ST6GALNAC3: variants seen among roughly 807,000 people sequenced by gnomAD.
ST6GALNAC3 encodes the protein ST6 N-acetylgalactosaminide alpha-2,6-sialyltransferase 3.
ST6GALNAC3 carries 25 observed loss-of-function variants against 32.7 expected under a neutral mutation model. The observed-to-expected ratio is 0.76, with a 90% CI of 0.56 to 1.07. ST6GALNAC3 has a LOEUF of 1.07. Ranked by LOEUF, ST6GALNAC3 falls within the 50% of genes least tolerant of loss-of-function variation. The pLI, the probability that ST6GALNAC3 is intolerant of heterozygous loss-of-function variation, is 0.00. For missense variants in ST6GALNAC3, 355 were observed against 382.4 expected (o/e 0.93, Z 0.60); for synonymous variants, 129 against 133.1 (o/e 0.97, Z 0.21).
At chr1:76,290,338 T>A (rs1660013322) in intron 1 of ST6GALNAC3, among the ~76,000 whole-genome samples, 1 of 152,260 alleles carries the variant, frequency 6.6e-6, no homozygotes, top group Admixed American at 6.5e-5. Context: ...AAGCTTTTTT[T>A]AAAATCATAA....
chr1:76,246,414 A>T (rs1253425195), intron 1 of ST6GALNAC3, among the ~76,000 whole-genome samples: 1 of 151,984 alleles, frequency 6.6e-6, no homozygotes, highest in African/African-American at 2.4e-5. Context: ...TTTACTTTTA[A>T]GGTTAGTATT....
At chr1:76,409,608 T>C (rs1654075088) in intron 2 of ST6GALNAC3, among the ~76,000 whole-genome samples, 1 of 152,070 alleles carries the variant, frequency 6.6e-6, no homozygotes, top group Non-Finnish European at 1.5e-5. Flanking sequence ...ATCCCTATAA[T>C]GGAATCTTGT....
At chr1:76,384,323 G>A (rs1651935812) in intron 2 of ST6GALNAC3, among the ~76,000 whole-genome samples, 1 of 152,074 alleles carries the variant, frequency 6.6e-6, no homozygotes, top group Admixed American at 6.6e-5. Flanking sequence ...GACAAAATGG[G>A]CAATTTGACA....
chr1:76,531,067 G>A (rs574644081), intron 3 of ST6GALNAC3, among the ~76,000 whole-genome samples: 1 of 152,168 alleles, frequency 6.6e-6, no homozygotes, highest in Non-Finnish European at 1.5e-5. Context: ...GTGATCTGCA[G>A]GTACCCTCAA....
At chr1:76,404,498 A>T (rs1328246437) in intron 2 of ST6GALNAC3, among the ~76,000 whole-genome samples, 1 of 152,112 alleles carries the variant, frequency 6.6e-6, no homozygotes, top group African/African-American at 2.4e-5. Context: ...ACAATGCCAG[A>T]TTGTTAATGC....
rs73004241 is a variant in ST6GALNAC3, at chr1:76,371,495, T to C, written c.214-40513T>C. On this transcript the variant is annotated intron_variant, in intron 2 of 4. Transcript: ENST00000328299. ...GTGGAAGTGGAAAATGCAGGATATGTTGGAGACAGAAAAGCAATTGGTTCA... is the reference window on the plus strand; with the variant it reads ...GTGGAAGTGGAAAATGCAGGATATGCTGGAGACAGAAAAGCAATTGGTTCA... Among the ~76,000 whole-genome samples, 1,292 of 152,240 alleles carry C rather than the reference T, an allele frequency of 8.5e-3. 17 individuals are homozygous for C. Among genetic ancestry groups the C allele is most frequent in the African/African-American group, 0.03 (1,229 of 41,548 alleles).
At chr1:76,214,722 G>T (rs1244638096) in intron 1 of ST6GALNAC3, among the ~76,000 whole-genome samples, 1 of 152,164 alleles carries the variant, frequency 6.6e-6, no homozygotes, top group Non-Finnish European at 1.5e-5. Context: ...AAATAAAATT[G>T]ATATAGTCAG....
At chr1:76,289,467 T>C (rs1186631905) in intron 1 of ST6GALNAC3, among the ~76,000 whole-genome samples, 1 of 152,226 alleles carries the variant, frequency 6.6e-6, no homozygotes, top group Non-Finnish European at 1.5e-5. Flanking sequence ...TAGTATGGAA[T>C]AGTTAGCTTA....
At chr1:76,367,933 A>G (rs1570985218) in intron 2 of ST6GALNAC3, among the ~76,000 whole-genome samples, 2 of 152,202 alleles carry the variant, frequency 1.3e-5, no homozygotes, top group South Asian at 4.1e-4. Context: ...CACAGGGGCT[A>G]TCACTGTGAG....
chr1:76,285,165 C>T (rs1238587370), intron 1 of ST6GALNAC3, among the ~76,000 whole-genome samples: 1 of 152,210 alleles, frequency 6.6e-6, no homozygotes, highest in Non-Finnish European at 1.5e-5. Context: ...AGAACACACT[C>T]TTAATTTATT....
intron 1 of ST6GALNAC3, among the ~76,000 whole-genome samples, chr1:76,078,777 T>TTTA (rs1034940946): frequency 2.0e-5 from 3 of 152,086 alleles, no homozygotes; most frequent in Non-Finnish European, 4.4e-5. Context: ...GACCAGTCTC[T>TTTA]TTATTATTAT....
intron 3 of ST6GALNAC3, among the ~76,000 whole-genome samples, chr1:76,614,149 G>A (rs1648122369): frequency 6.6e-6 from 1 of 152,218 alleles, no homozygotes; most frequent in Non-Finnish European, 1.5e-5. Context: ...AGTTGACTTC[G>A]ATAGATGGGG....
In ST6GALNAC3 at chr1:76,516,651, T is replaced by C. The variant is rs12077470; in HGVS notation, c.623+104234T>C. 6.1e-3 allele frequency among the ~76,000 whole-genome samples: 925 copies of C among 152,092 alleles called. 9 individuals are homozygous for C. Among genetic ancestry groups the C allele is most frequent in the African/African-American group, 0.021 (877 of 41,402 alleles). On this transcript the variant is annotated intron_variant, in intron 3 of 4. Coordinates refer to ENST00000328299, the MANE Select transcript of ST6GALNAC3 (RefSeq NM_152996.4). ...ATTTTCAAAAATAGTATCAACCTTTTTCTTATATTCTCAATCTAATGAGCA... is the reference window on the plus strand; with the variant it reads ...ATTTTCAAAAATAGTATCAACCTTTCTCTTATATTCTCAATCTAATGAGCA...
At position 76,622,865 on chromosome 1, in the gene ST6GALNAC3, C is replaced by G. The variant is rs77296677; in HGVS notation, c.624-4587C>G. ...CATTTCCATTTCCTCAGTTCCTCCC[C>G]TGAAATTATCTGAAAGGGAAATGTC... On this transcript the variant is annotated intron_variant, in intron 3 of 4. Coordinates refer to ENST00000328299, the MANE Select transcript of ST6GALNAC3 (RefSeq NM_152996.4). 3.1e-3 allele frequency among the ~76,000 whole-genome samples: 465 copies of G among 152,024 alleles called. 3 individuals are homozygous for G. The highest frequency in any genetic ancestry group is 0.017 in the East Asian group (89 of 5,152).
At chr1:76,402,089 A>G (rs1052732206) in intron 2 of ST6GALNAC3, among the ~76,000 whole-genome samples, 1 of 151,928 alleles carries the variant, frequency 6.6e-6, no homozygotes, top group Non-Finnish European at 1.5e-5. Context: ...CTGATATTTG[A>G]AAGTTAACAT....
At chr1:76,574,536 T>C (rs942864409) in intron 3 of ST6GALNAC3, among the ~76,000 whole-genome samples, 5 of 152,044 alleles carry the variant, frequency 3.3e-5, no homozygotes, top group East Asian at 1.9e-4. Context: ...CTCTACTTCC[T>C]GAAGCAGCCC....
intron 1 of ST6GALNAC3, among the ~76,000 whole-genome samples, chr1:76,133,912 T>C (rs1176551316): frequency 6.6e-6 from 1 of 152,120 alleles, no homozygotes; most frequent in African/African-American, 2.4e-5. Flanking sequence ...CGATAACCAA[T>C]GCAGGGTGAT....
chr1:76,300,456 C>G (rs1660662857), intron 1 of ST6GALNAC3, among the ~76,000 whole-genome samples: 2 of 151,910 alleles, frequency 1.3e-5, no homozygotes, highest in African/African-American at 4.8e-5. Flanking sequence ...GCAGTGATCA[C>G]TAAAAAATGG....
intron 1 of ST6GALNAC3, among the ~76,000 whole-genome samples, chr1:76,151,800 C>T (rs571399): frequency 0.67 from 101,476 of 152,118 alleles, 36,273 homozygotes; most frequent in East Asian, 0.95. Context: ...CTGCAGGTCC[C>T]ATCCCGGATT....
Sources: gnomAD v4.1 joint callset for allele counts (sites outside exome capture counted in the v4.1 genomes callset) on GRCh38, gnomAD v4.1.1 for gene constraint, MANE v1.5 for transcripts, NCBI Gene and HGNC (gene_info 2026-07-23, HGNC 2026-07-21) for gene names.